The following BBX variants were observed in gnomAD, a reference collection of about 807,000 sequenced individuals.
BBX encodes BBX high mobility group box domain containing, also known as HMG box transcription factor BBX.
A neutral mutation model predicts 100.2 loss-of-function variants in BBX; 30 were observed. That is an observed-to-expected ratio of 0.30 (90% confidence interval 0.22 to 0.41). The LOEUF is 0.41. BBX is among the 10% of genes least tolerant of loss of function. The pLI is 1.00. For synonymous variants in BBX, 376 were observed against 388.1 expected, an observed-to-expected ratio of 0.97 and a Z score of 0.37; for missense variants, 1,023 against 1,129.8, an observed-to-expected ratio of 0.91 and a Z score of 1.35.
intron 10 of BBX, among the ~76,000 whole-genome samples, chr3:107,763,538 G>T (rs150352803): frequency 6.6e-6 from 1 of 152,118 alleles, no homozygotes; most frequent in Non-Finnish European, 1.5e-5. Flanking sequence ...AAGCGAGTCC[G>T]TAGTAACAAA....
At position 107,798,657 on chromosome 3, in the gene BBX, A is replaced by T; in HGVS notation, c.2488A>T (p.Thr830Ser). 1 of 1,614,106 alleles carries T rather than the reference A, an allele frequency of 6.2e-7. No individual in the cohort carries two copies. The highest frequency in any genetic ancestry group is 8.5e-7 in the Non-Finnish European group (1 of 1,180,016). Residue 830 changes from threonine (T) to serine (S), a missense_variant, in exon 16 of 18, where the codon ACC becomes TCC. By Grantham distance (58) the Thr-to-Ser change is moderately conservative (BLOSUM62 1). Coordinates refer to ENST00000325805, the MANE Select transcript of BBX (RefSeq NM_001142568.3). ...CAGCCAAAAGAGAAAAGCAAGGAAA[A>T]CCAAGATTACACACCTTGTCAGGAC... is the stretch of plus-strand genomic sequence containing the variant. Reference protein sequence around the residue: ...VGSQKRKARKTKITHLVRTAD... With the variant: ...VGSQKRKARKSKITHLVRTAD...
chr3:107,632,753 G>A (rs2056622992), intron 2 of BBX, among the ~76,000 whole-genome samples: 1 of 152,138 alleles, frequency 6.6e-6, no homozygotes, highest in South Asian at 2.1e-4. Context: ...CAATTCTGGG[G>A]TGCATTCTCT....
At chr3:107,648,883 TA>T (rs2057678601) in intron 3 of BBX, among the ~76,000 whole-genome samples, 1 of 152,214 alleles carries the variant, frequency 6.6e-6, no homozygotes, top group African/African-American at 2.4e-5. Context: ...TGCTTTGTGA[TA>T]GTTTATAGTT....
At chr3:107,527,979 G>T (rs540156416) in intron 2 of BBX, among the ~76,000 whole-genome samples, 57 of 152,182 alleles carry the variant, frequency 3.7e-4, no homozygotes, top group Non-Finnish European at 6.8e-4. Context: ...GACCAATTCA[G>T]AAATTAATAT....
chr3:107,795,613 CTTTT>C (rs1158136233), intron 15 of BBX, among the ~76,000 whole-genome samples: 1 of 60,002 alleles, frequency 1.7e-5, no homozygotes, highest in Non-Finnish European at 3.0e-5. Context: ...CCGACGTAGT[CTTTT>C]TTTTTTTTTT....
chr3:107,704,718 T>G lies in BBX; in HGVS notation c.-9-5734T>G, dbSNP rs112987982. Among the ~76,000 whole-genome samples the G allele has an allele frequency of 6.3e-3, 961 of 152,260 alleles. 14 individuals are homozygous for G. Among genetic ancestry groups the G allele is most frequent in the African/African-American group, 0.022 (919 of 41,542 alleles). On this transcript the variant is annotated intron_variant, in intron 3 of 17. Transcript: ENST00000325805. ...TCCCCCATGACTGCATTGCCTCTTG[T>G]TAGGCCCTACTTCCCAACACTGTTA...
In BBX at chr3:107,809,110, T is replaced by G. The variant is rs1559838932; in HGVS notation, c.*3653T>G. ...TTGCACTCTGCAGTCTTTGGCTCAA[T>G]GTATGGAAATGTTTGCACCTATGTA... is the stretch of plus-strand genomic sequence containing the variant. On this transcript the variant is annotated 3_prime_UTR_variant, in exon 18 of 18. Coordinates refer to ENST00000325805, the MANE Select transcript of BBX (RefSeq NM_001142568.3). 6.6e-6 allele frequency: 1 copy of G among 152,236 alleles called. No individual in the cohort carries two copies. The highest frequency in any genetic ancestry group is 6.5e-5 in the Admixed American group (1 of 15,288). 9.4% of individuals were successfully genotyped at this position (152,236 alleles called of 1,614,324 possible).
chr3:107,661,785 T>A, intron 3 of BBX: 7 of 717,466 alleles, frequency 9.8e-6, no homozygotes, highest in Non-Finnish European at 1.2e-5. Context: ...TCTCTCTGTG[T>A]TTCTCCTGAC....
chr3:107,733,761 C>T (rs1170812229), intron 7 of BBX, among the ~76,000 whole-genome samples: 6 of 152,192 alleles, frequency 3.9e-5, no homozygotes, highest in Non-Finnish European at 7.3e-5. Flanking sequence ...AGCCACTGTG[C>T]TCAGCCTGTT....
chr3:107,619,110 G>A (rs772035159), intron 2 of BBX, among the ~76,000 whole-genome samples: 1 of 152,012 alleles, frequency 6.6e-6, no homozygotes, highest in Admixed American at 6.6e-5. Flanking sequence ...TTTTCTTGGC[G>A]ATATGGCACT....
chr3:107,679,881 CTTAACCCTTG>C (rs2059485309), intron 3 of BBX, among the ~76,000 whole-genome samples: 1 of 152,154 alleles, frequency 6.6e-6, no homozygotes, highest in Non-Finnish European at 1.5e-5. Context: ...TATTATGTTA[CTTAACCCTTG>C]TTGTCTCATT....
At chr3:107,779,008 T>C (rs1219578091) in intron 13 of BBX, among the ~76,000 whole-genome samples, 3 of 71,328 alleles carry the variant, frequency 4.2e-5, no homozygotes, top group East Asian at 8.0e-4. Flanking sequence ...TATATATATA[T>C]ATATATATAT....
intron 3 of BBX, among the ~76,000 whole-genome samples, chr3:107,655,259 G>T (rs908538564): frequency 2.0e-5 from 3 of 152,160 alleles, no homozygotes; most frequent in Non-Finnish European, 4.4e-5. Flanking sequence ...AAGCCCAAAC[G>T]TATGAAAATA....
intron 2 of BBX, among the ~76,000 whole-genome samples, chr3:107,545,647 G>A (rs1174760067): frequency 6.6e-6 from 1 of 152,146 alleles, no homozygotes; most frequent in Non-Finnish European, 1.5e-5. Context: ...TATCCATGGA[G>A]TTATTTTCTT....
chr3:107,698,552 T>C (rs1204976514), intron 3 of BBX, among the ~76,000 whole-genome samples: 1 of 151,146 alleles, frequency 6.6e-6, no homozygotes, highest in Non-Finnish European at 1.5e-5. Flanking sequence ...CTTAGGAGGC[T>C]GAGGCAGAAG....
chr3:107,790,057 T>C (rs2068840271), intron 14 of BBX, among the ~76,000 whole-genome samples, 181 bp downstream of exon 14: 1 of 152,108 alleles, frequency 6.6e-6, no homozygotes, highest in Non-Finnish European at 1.5e-5. Flanking sequence ...CAAATCTCCT[T>C]CACTTGGATT....
At chr3:107,800,990 AG>A (rs2070391087) in intron 16 of BBX, 104 bp from the exon 17 acceptor site, 1 of 1,053,234 alleles carries the variant, frequency 9.5e-7, no homozygotes, top group Non-Finnish European at 1.4e-6. Context: ...AGTGAATGGT[AG>A]AGAATGTTAG....
intron 4 of BBX, among the ~76,000 whole-genome samples, chr3:107,713,563 ATTTAC>A (rs1156561406): frequency 3.9e-5 from 6 of 152,148 alleles, no homozygotes; most frequent in African/African-American, 1.4e-4. Context: ...GTATTTATGT[ATTTAC>A]TTTTTGATTA....
intron 3 of BBX, among the ~76,000 whole-genome samples, chr3:107,708,057 T>G (rs1576440412): frequency 2.6e-5 from 4 of 152,308 alleles, no homozygotes; most frequent in Non-Finnish European, 5.9e-5. Flanking sequence ...CCTGAAGTGA[T>G]TACTATGTCA....
Sources: gnomAD v4.1 joint callset for allele counts (sites outside exome capture counted in the v4.1 genomes callset) on GRCh38, gnomAD v4.1.1 for gene constraint, MANE v1.5 for transcripts, NCBI Gene and HGNC (gene_info 2026-07-23, HGNC 2026-07-21) for gene names.